The following PARN variants were observed in gnomAD, a reference collection of about 807,000 sequenced individuals.
The protein encoded by PARN is poly(A)-specific ribonuclease.
Under a neutral mutation model 102.8 loss-of-function variants are expected in PARN, and 71 were observed. That is an observed-to-expected ratio of 0.69 (90% CI 0.57 to 0.84). The LOEUF (loss-of-function observed/expected upper bound fraction) is 0.84, where lower values mean the gene tolerates loss of function less well. PARN is among the 40% of genes least tolerant of loss of function. PARN has a pLI of 0.00. For synonymous variants in PARN, 261 were observed against 252.9 expected, an observed-to-expected ratio of 1.03 and a Z score of -0.30; for missense variants, 782 against 760.9, an observed-to-expected ratio of 1.03 and a Z score of -0.33.
At chr16:14,551,935 A>G (rs1596648405) in intron 21 of PARN, 86 bp downstream of exon 21, 2 of 796,210 alleles carry the variant, frequency 2.5e-6, no homozygotes, top group East Asian at 2.5e-5. Flanking sequence ...AAGCTGACTG[A>G]GCCCATAGCT....
At chr16:14,537,194 C>T (rs1966644674) in intron 21 of PARN, among the ~76,000 whole-genome samples, 1 of 152,142 alleles carries the variant, frequency 6.6e-6, no homozygotes, top group Non-Finnish European at 1.5e-5. Context: ...AAATGTTCAA[C>T]ATCACTAAAT....
At chr16:14,561,861 C>T (rs938306938) in intron 18 of PARN, among the ~76,000 whole-genome samples, 8 of 152,196 alleles carry the variant, frequency 5.3e-5, no homozygotes, top group Admixed American at 3.3e-4. Context: ...CGTAGAAAAA[C>T]ACAAAACTGG....
In PARN at chr16:14,599,915, T is replaced by C; in HGVS notation, c.829A>G (p.Ile277Val). The change falls in exon 12 of 24, where the codon ATT becomes GTT. Residue 277 changes from isoleucine (I) to valine (V), a missense_variant. Coordinates refer to ENST00000437198, the MANE Select transcript of PARN (RefSeq NM_002582.4). The part of the protein sequence containing the change: ...AVGFSRVIHA[I>V]ANSGKLVIGH... ...TCTGGCTCACTTACCGAATTAGCAATGGCGTGAATGACTCTAGAAAATCCC... is the reference window on the plus strand; with the variant it reads ...TCTGGCTCACTTACCGAATTAGCAACGGCGTGAATGACTCTAGAAAATCCC... 1.2e-6 allele frequency: 2 copies of C among 1,602,230 alleles called. No homozygotes were observed. The highest frequency in any genetic ancestry group is 1.1e-5 in the South Asian group (1 of 89,298).
intron 17 of PARN, among the ~76,000 whole-genome samples, chr16:14,581,234 T>C (rs1226090945): frequency 6.6e-6 from 1 of 152,078 alleles, no homozygotes; most frequent in African/African-American, 2.4e-5. Context: ...GTATTTTTAG[T>C]GGAGACAGGG....
chr16:14,590,491 C>T (rs1383010611), intron 13 of PARN, among the ~76,000 whole-genome samples: 3 of 151,404 alleles, frequency 2.0e-5, no homozygotes, highest in African/African-American at 7.3e-5. Context: ...AAAAATTACC[C>T]GGGCATGGTA....
chr16:14,567,989 C>G (rs903773028), intron 18 of PARN, among the ~76,000 whole-genome samples: 19 of 152,246 alleles, frequency 1.2e-4, no homozygotes, highest in African/African-American at 4.6e-4. Flanking sequence ...TTGTTGGCAT[C>G]ACGTATGTGG....
intron 22 of PARN, among the ~76,000 whole-genome samples, chr16:14,453,455 T>C (rs925015631): frequency 2.0e-5 from 3 of 152,234 alleles, no homozygotes; most frequent in Non-Finnish European, 4.4e-5. Context: ...AATTAGGGTA[T>C]TATTTACATG....
intron 12 of PARN, among the ~76,000 whole-genome samples, chr16:14,593,661 T>A: frequency 6.6e-6 from 1 of 152,210 alleles, no homozygotes; most frequent in East Asian, 1.9e-4. Context: ...GCCACCCTCA[T>A]GAATCAGAAG....
At chr16:14,521,405 C>T (rs985679463) in intron 21 of PARN, among the ~76,000 whole-genome samples, 1 of 152,186 alleles carries the variant, frequency 6.6e-6, no homozygotes, top group Admixed American at 6.5e-5. Flanking sequence ...AAAGCCTGTG[C>T]AAAGTCACAT....
At chr16:14,579,016 T>TCA (rs1969338380) in intron 18 of PARN, among the ~76,000 whole-genome samples, 1 of 151,988 alleles carries the variant, frequency 6.6e-6, no homozygotes, top group South Asian at 2.1e-4. Flanking sequence ...AGAGGGAGTC[T>TCA]CACTCTGTTG....
At chr16:14,501,167 T>C (rs1964564496) in intron 21 of PARN, among the ~76,000 whole-genome samples, 1 of 151,318 alleles carries the variant, frequency 6.6e-6, no homozygotes, top group African/African-American at 2.4e-5. Context: ...GCAGGTTGGG[T>C]GCAGTGGCTC....
At chr16:14,562,025 G>C (rs370341607) in intron 18 of PARN, among the ~76,000 whole-genome samples, 1 of 152,120 alleles carries the variant, frequency 6.6e-6, no homozygotes, top group Non-Finnish European at 1.5e-5. Flanking sequence ...GGTGGCGCAC[G>C]CCTGTAATCC....
intron 21 of PARN, among the ~76,000 whole-genome samples, chr16:14,520,628 G>T (rs1596562713): frequency 6.6e-6 from 1 of 152,006 alleles, no homozygotes. Flanking sequence ...GAGCCTGGGA[G>T]GTGGAGGTTG....
At chr16:14,497,091 G>A (rs1238690097) in intron 21 of PARN, among the ~76,000 whole-genome samples, 2 of 152,118 alleles carry the variant, frequency 1.3e-5, no homozygotes, top group African/African-American at 2.4e-5. Context: ...AATTGCAACA[G>A]TATCACTAAA....
At chr16:14,566,791 G>T (rs916310213) in intron 18 of PARN, among the ~76,000 whole-genome samples, 20 of 152,226 alleles carry the variant, frequency 1.3e-4, no homozygotes, top group African/African-American at 4.8e-4. Flanking sequence ...GAACAGCTCA[G>T]CACGTGGACT....
chr16:14,590,605 A>C (rs985767764), intron 13 of PARN, among the ~76,000 whole-genome samples: 3 of 149,816 alleles, frequency 2.0e-5, no homozygotes, highest in African/African-American at 7.4e-5. Context: ...ACTGCACTCC[A>C]GCCTGGGCCA....
intron 22 of PARN, among the ~76,000 whole-genome samples, chr16:14,463,852 C>T (rs59033096): frequency 4.7e-5 from 5 of 106,754 alleles, no homozygotes; most frequent in Admixed American, 2.8e-4. Flanking sequence ...GGGGGGGGGA[C>T]GACAAGGTCT....
At chr16:14,560,945 C>G (rs1225817788) in intron 18 of PARN, among the ~76,000 whole-genome samples, 1 of 152,200 alleles carries the variant, frequency 6.6e-6, no homozygotes, top group African/African-American at 2.4e-5. Context: ...CACCTGAGGT[C>G]AAGAGTTCCA....
At chr16:14,494,908 G>C (rs868208355) in intron 21 of PARN, among the ~76,000 whole-genome samples, 6 of 152,310 alleles carry the variant, frequency 3.9e-5, no homozygotes, top group Middle Eastern at 6.8e-3. Context: ...CACAGGAATG[G>C]GGTAGATGGT....
Sources: allele counts gnomAD v4.1 joint callset (sites outside exome capture counted in the v4.1 genomes callset), GRCh38; gene constraint gnomAD v4.1.1; transcripts MANE v1.5; gene names NCBI Gene and HGNC (gene_info 2026-07-23, HGNC 2026-07-21).